Variants in SH3RF3 observed in about 807,000 individuals in gnomAD.
SH3RF3 encodes the protein E3 ubiquitin-protein ligase SH3RF3.
Under a neutral mutation model 66.3 loss-of-function variants are expected in SH3RF3, and 29 were observed. That is an observed-to-expected ratio of 0.44 (90% CI 0.33 to 0.60). The LOEUF (loss-of-function observed/expected upper bound fraction) is 0.60. Ranked by LOEUF, SH3RF3 falls within the 20% of genes least tolerant of loss-of-function variation. The pLI, the probability that SH3RF3 is intolerant of heterozygous loss-of-function variation, is 0.04. For synonymous variants in SH3RF3, 583 were observed against 532.0 expected (o/e 1.10, Z -1.32); for missense variants, 1,194 against 1,190.9 (o/e 1.00, Z -0.04).
intron 6 of SH3RF3, among the ~76,000 whole-genome samples, chr2:109,435,257 T>C (rs1677367206): frequency 6.6e-6 from 1 of 152,148 alleles, no homozygotes; most frequent in African/African-American, 2.4e-5. Context: ...AAACAGGAAA[T>C]CTGGCCTCGG....
At chr2:109,302,937 C>G (rs1681505182) in intron 1 of SH3RF3, among the ~76,000 whole-genome samples, 1 of 152,092 alleles carries the variant, frequency 6.6e-6, no homozygotes, top group African/African-American at 2.4e-5. Flanking sequence ...AGTGCAGTGG[C>G]ATGATCTTAG....
chr2:109,420,319 A>T (rs2104522746), intron 5 of SH3RF3, among the ~76,000 whole-genome samples: 1 of 152,312 alleles, frequency 6.6e-6, no homozygotes, highest in South Asian at 2.1e-4. Context: ...GAAGTCTATG[A>T]ACTTGGCAAA....
intron 1 of SH3RF3, among the ~76,000 whole-genome samples, chr2:109,297,742 A>C (rs909261500): frequency 4.1e-5 from 6 of 147,274 alleles, no homozygotes; most frequent in Non-Finnish European, 8.9e-5. Flanking sequence ...CCACCAGGAC[A>C]GTGTCCCTTA....
chr2:109,472,408 A>G (rs936652759), intron 8 of SH3RF3, among the ~76,000 whole-genome samples: 7 of 152,112 alleles, frequency 4.6e-5, no homozygotes, highest in Non-Finnish European at 1.5e-5. Flanking sequence ...CAGAAAGAGG[A>G]AATCCAAACC....
At chr2:109,493,918 C>G (rs1558645310) in intron 9 of SH3RF3, among the ~76,000 whole-genome samples, 2 of 152,222 alleles carry the variant, frequency 1.3e-5, no homozygotes, top group Non-Finnish European at 2.9e-5. Context: ...CCTCCACTTC[C>G]TCCACCTCTC....
intron 1 of SH3RF3, among the ~76,000 whole-genome samples, chr2:109,243,390 T>A (rs951268874): frequency 3.9e-5 from 6 of 152,248 alleles, no homozygotes; most frequent in Admixed American, 3.3e-4. Context: ...GGGCACATGC[T>A]GGAGTGCCTG....
chr2:109,489,843 T>C (rs543142359), intron 8 of SH3RF3, among the ~76,000 whole-genome samples: 1 of 152,138 alleles, frequency 6.6e-6, no homozygotes, highest in East Asian at 1.9e-4. Context: ...GTTCAAGCTA[T>C]TCTCCCACCT....
chr2:109,288,520 C>A (rs1351487933), intron 1 of SH3RF3, among the ~76,000 whole-genome samples: 1 of 152,210 alleles, frequency 6.6e-6, no homozygotes. Flanking sequence ...CCCCAGGTGA[C>A]CTCTCAAAAC....
At chr2:109,159,054 G>T (rs1188795784) in intron 1 of SH3RF3, among the ~76,000 whole-genome samples, 2 of 152,148 alleles carry the variant, frequency 1.3e-5, no homozygotes, top group African/African-American at 4.8e-5. Flanking sequence ...GAGGCAGAGG[G>T]TGCAGTGAAC....
At chr2:109,412,103 G>A (rs938118947) in intron 4 of SH3RF3, among the ~76,000 whole-genome samples, 2 of 152,224 alleles carry the variant, frequency 1.3e-5, no homozygotes, top group African/African-American at 4.8e-5. Flanking sequence ...TTGGACTCAC[G>A]CAGGGCAGTC....
rs78896638 is a variant in SH3RF3 at position 109,186,333 on chromosome 2, G to T, written c.573+56220G>T. ...GTACTGCCATTATCCCCATCCTGCAGATGAAAATGCTGAGGCACGGAGAAG... is the reference window on the plus strand; with the variant it reads ...GTACTGCCATTATCCCCATCCTGCATATGAAAATGCTGAGGCACGGAGAAG... On this transcript the variant is annotated intron_variant, in intron 1 of 9. Transcript: ENST00000309415. Among the ~76,000 whole-genome samples the T allele has an allele frequency of 8.0e-3, 1,224 of 152,354 alleles. 12 individuals carry two copies. The highest frequency in any genetic ancestry group is 0.04 in the East Asian group (209 of 5,182).
At position 109,377,935 on chromosome 2, in the gene SH3RF3, G is replaced by A. The variant is rs116888205; in HGVS notation, c.945+6254G>A. ...CACAACGACAGCTCTCATTGGGAGC[G>A]GATAGCTCGGGCATTGTTGTTAATT... On this transcript the variant is annotated intron_variant, in intron 3 of 9. Transcript: ENST00000309415. 6.4e-3 allele frequency among the ~76,000 whole-genome samples: 972 copies of A among 152,352 alleles called. 10 individuals carry two copies. The highest frequency in any genetic ancestry group is 0.047 in the East Asian group (246 of 5,184).
At chr2:109,322,015 A>G (rs1024955317) in intron 1 of SH3RF3, among the ~76,000 whole-genome samples, 5 of 152,164 alleles carry the variant, frequency 3.3e-5, no homozygotes, top group African/African-American at 9.7e-5. Context: ...CAAGAAGTGG[A>G]TGGCTCTTTT....
At chr2:109,207,898 A>G (rs17035142) in intron 1 of SH3RF3, among the ~76,000 whole-genome samples, 3,726 of 152,292 alleles carry the variant, frequency 0.024, 158 homozygotes, top group African/African-American at 0.084. Flanking sequence ...TCCCTGTATC[A>G]TCATTTTCCC....
rs1677263320 is a variant in SH3RF3, at chr2:109,432,552, G to A, written c.1455G>A (p.Leu485=). ...CCCAGAAGAGTGACGAGCTGGAGCT[G>A]CACAAGGGAGAGATGTACCGGGTCC... is the stretch of plus-strand genomic sequence containing the variant. The part of the protein sequence containing the change: ...YKPQKSDELE[L]HKGEMYRVLE... Residue 485 remains leucine, a synonymous_variant, in exon 6 of 10, where the codon CTG becomes CTA. Coordinates refer to ENST00000309415, the MANE Select transcript of SH3RF3 (RefSeq NM_001099289.3). 2 of 1,613,674 alleles carry A rather than the reference G, an allele frequency of 1.2e-6. No individual in the cohort carries two copies. Among genetic ancestry groups the A allele is most frequent in the Non-Finnish European group, 8.5e-7 (1 of 1,179,788 alleles).
At chr2:109,319,259 A>C (rs1681961186) in intron 1 of SH3RF3, among the ~76,000 whole-genome samples, 1 of 152,040 alleles carries the variant, frequency 6.6e-6, no homozygotes, top group East Asian at 1.9e-4. Context: ...CATTTTTTGG[A>C]GTTGAGAAAG....
intron 4 of SH3RF3, among the ~76,000 whole-genome samples, chr2:109,408,304 G>A (rs1676500180): frequency 6.6e-6 from 1 of 152,188 alleles, no homozygotes; most frequent in Non-Finnish European, 1.5e-5. Flanking sequence ...TGAGGTCGGT[G>A]TCCTCAGGGC....
intron 4 of SH3RF3, 80 bp downstream of exon 4, chr2:109,399,023 TCCTCAA>T: frequency 7.1e-7 from 1 of 1,412,618 alleles, no homozygotes; most frequent in Non-Finnish European, 9.5e-7. Context: ...TGTCCCCCGT[TCCTCAA>T]CTAGCATGGA....
At chr2:109,139,924 G>A (rs1676906403) in intron 1 of SH3RF3, among the ~76,000 whole-genome samples, 1 of 152,186 alleles carries the variant, frequency 6.6e-6, no homozygotes, top group Non-Finnish European at 1.5e-5. Flanking sequence ...GTTTGTTCAG[G>A]TTTGTGTTCC....
Sources: allele counts gnomAD v4.1 joint callset (sites outside exome capture counted in the v4.1 genomes callset), GRCh38; gene constraint gnomAD v4.1.1; transcripts MANE v1.5; gene names NCBI Gene and HGNC (gene_info 2026-07-23, HGNC 2026-07-21).